UBA2: variants seen among roughly 807,000 people sequenced by gnomAD.
The protein encoded by UBA2 is ubiquitin like modifier activating enzyme 2.
Under a neutral mutation model 77.2 loss-of-function variants are expected in UBA2, and 11 were observed. The ratio of observed to expected loss-of-function variants is 0.14; its 90% confidence interval spans 0.09 to 0.24. The LOEUF is 0.24. UBA2 is among the 10% of genes least tolerant of loss of function. UBA2 has a pLI of 1.00. For missense variants in UBA2, 487 were observed against 781.7 expected, an observed-to-expected ratio of 0.62 and a Z score of 4.50; for synonymous variants, 278 against 276.7, an observed-to-expected ratio of 1.00 and a Z score of -0.05.
At chr19:34,439,656 C>T (rs1236731372) in intron 6 of UBA2, among the ~76,000 whole-genome samples, 2 of 151,814 alleles carry the variant, frequency 1.3e-5, no homozygotes, top group Non-Finnish European at 2.9e-5. Context: ...ATGGCAAAAC[C>T]GTGTCTCTAC....
At chr19:34,439,648 G>A (rs923057498) in intron 6 of UBA2, among the ~76,000 whole-genome samples, 1 of 152,022 alleles carries the variant, frequency 6.6e-6, no homozygotes, top group African/African-American at 2.4e-5. Context: ...TGGGAAACAT[G>A]GCAAAACCGT....
At chr19:34,431,019 G>A (rs1453062921) in intron 2 of UBA2, among the ~76,000 whole-genome samples, 7 of 152,068 alleles carry the variant, frequency 4.6e-5, no homozygotes, top group Admixed American at 1.3e-4. Flanking sequence ...CAGTTCCCCC[G>A]ATCTTTGTTT....
intron 12 of UBA2, among the ~76,000 whole-genome samples, chr19:34,456,100 C>CTTTTCTTTTTTTTTTTTTTTTTTTTTTTT (rs2075557152): frequency 3.6e-5 from 2 of 55,782 alleles, no homozygotes; most frequent in Admixed American, 2.8e-4. Context: ...TTTTCCTTTT[C>CTTTTCTTTTTTTTTTTTTTTTTTTTTTTT]TTTTTCTTTT....
rs189892880 is a variant in UBA2, at chr19:34,437,535, G to A, written c.460-1110G>A. Among the ~76,000 whole-genome samples, 517 of 151,930 alleles carry A rather than the reference G, an allele frequency of 3.4e-3. 3 individuals carry two copies. Among genetic ancestry groups the A allele is most frequent in the Non-Finnish European group, 6.0e-3 (405 of 67,944 alleles). On this transcript the variant is annotated intron_variant, in intron 5 of 16. Coordinates refer to ENST00000246548, the MANE Select transcript of UBA2 (RefSeq NM_005499.3). ...TGAGGCAAAAGAATCACTTGAACCC[G>A]GGAGGCAGAGGTTGTGGTGAGCCTA...
chr19:34,465,800 G>A (rs1388296623), intron 15 of UBA2, among the ~76,000 whole-genome samples: 1 of 152,170 alleles, frequency 6.6e-6, no homozygotes, highest in Non-Finnish European at 1.5e-5. Context: ...GGAAGGACAT[G>A]TACAATAAAG....
At chr19:34,453,755 T>C (rs1471428343) in intron 10 of UBA2, among the ~76,000 whole-genome samples, 4 of 152,118 alleles carry the variant, frequency 2.6e-5, no homozygotes, top group Admixed American at 2.6e-4. Flanking sequence ...CACAAACTCC[T>C]GAGCTCAGGC....
At chr19:34,451,644 T>A (rs1482235401) in intron 9 of UBA2, among the ~76,000 whole-genome samples, 2 of 140,644 alleles carry the variant, frequency 1.4e-5, no homozygotes, top group East Asian at 4.6e-4. Flanking sequence ...GCCTCCCGGG[T>A]TCGCGCCATT....
chr19:34,451,700 A>G (rs1318515545), intron 9 of UBA2, among the ~76,000 whole-genome samples: 3 of 151,704 alleles, frequency 2.0e-5, no homozygotes, highest in Non-Finnish European at 2.9e-5. Flanking sequence ...GGCGCCCGCC[A>G]CCATGCCTGC....
In UBA2 at chr19:34,445,129, T is replaced by G; in HGVS notation, c.771+8T>G. 1 of 1,607,622 alleles carries G rather than the reference T, an allele frequency of 6.2e-7. No homozygotes were observed. The highest frequency in any genetic ancestry group is 8.5e-7 in the Non-Finnish European group (1 of 1,177,404). On this transcript the variant is annotated splice_region_variant and intron_variant, in intron 8 of 16. Transcript: ENST00000246548. ...GTTAAACTTTTTACCAAGGTTAGAT[T>G]TACTTTTTTTATAATCATGGATAGA...
intron 6 of UBA2, among the ~76,000 whole-genome samples, chr19:34,443,067 G>A (rs983748355): frequency 2.0e-5 from 3 of 152,084 alleles, no homozygotes; most frequent in African/African-American, 7.2e-5. Flanking sequence ...CAAATTGTTT[G>A]TTAACACTCT....
chr19:34,456,106 C>CTTT (rs869130576), intron 12 of UBA2, among the ~76,000 whole-genome samples: 4 of 73,626 alleles, frequency 5.4e-5, no homozygotes, highest in Non-Finnish European at 1.3e-4. Context: ...TTTTCTTTTT[C>CTTT]TTTTTTTTTT....
intron 13 of UBA2, among the ~76,000 whole-genome samples, chr19:34,459,512 G>A (rs1487144781): frequency 6.6e-6 from 1 of 152,142 alleles, no homozygotes; most frequent in East Asian, 1.9e-4. Flanking sequence ...TGGTAAGTTA[G>A]TCCCTGAGGA....
At chr19:34,440,441 C>T (rs1490151744) in intron 6 of UBA2, among the ~76,000 whole-genome samples, 1 of 152,032 alleles carries the variant, frequency 6.6e-6, no homozygotes, top group African/African-American at 2.4e-5. Flanking sequence ...TTTCACAAAA[C>T]TTGCAAGGAG....
rs998489718 is a variant in UBA2, at chr19:34,434,751, A to G, written c.359-117A>G. The G allele has an allele frequency of 2.2e-5, 16 of 732,566 alleles. No homozygotes were observed. In the Admixed American group the frequency reaches 3.0e-4, roughly 14 times the overall value. 45.4% of individuals were successfully genotyped at this position (732,566 alleles called of 1,614,324 possible). A position where few individuals can be genotyped will look rare whatever the true frequency, so the allele number is the denominator to read the frequency against. On this transcript the variant is annotated intron_variant, in intron 4 of 16. Transcript: ENST00000246548. ...CAGTTGTATTATTCTGGCCATAGCT[A>G]TAAGAAAATTGTACAAAAAATGAAG...
Position 34,462,918 on chromosome 19 carries a change from A to G in UBA2, c.1499-1108A>G, listed in dbSNP as rs566118660. Among the ~76,000 whole-genome samples the G allele has an allele frequency of 6.6e-5, 10 of 152,242 alleles. No homozygotes were observed. The East Asian group carries it at 1.9e-3, about 29-fold the overall frequency. On this transcript the variant is annotated intron_variant, in intron 14 of 16. Transcript: ENST00000246548. Reference sequence around the variant, plus strand: ...GAGACCAGCTTGGCCAATATGGCAAAACCCTGTCTCTACTAAAAATACAAA... The same window carrying G: ...GAGACCAGCTTGGCCAATATGGCAAGACCCTGTCTCTACTAAAAATACAAA...
intron 6 of UBA2, among the ~76,000 whole-genome samples, chr19:34,440,612 G>A (rs1377154246): frequency 6.6e-6 from 1 of 152,110 alleles, no homozygotes; most frequent in Non-Finnish European, 1.5e-5. Flanking sequence ...AATAATAGAT[G>A]CAAAAATCCT....
At chr19:34,429,814 C>T (rs1023634005) in intron 1 of UBA2, among the ~76,000 whole-genome samples, 6 of 152,004 alleles carry the variant, frequency 3.9e-5, no homozygotes, top group Non-Finnish European at 7.4e-5. Flanking sequence ...CCAGCCTGGG[C>T]AACAGAGGGA....
chr19:34,439,387 G>A (rs943159227), intron 6 of UBA2, among the ~76,000 whole-genome samples: 1 of 152,190 alleles, frequency 6.6e-6, no homozygotes, highest in African/African-American at 2.4e-5. Flanking sequence ...TACTGATAAT[G>A]ATGAAAATGC....
At chr19:34,428,639 G>T (rs1186654470) in intron 1 of UBA2, 69 bp downstream of exon 1, 2 of 1,195,950 alleles carry the variant, frequency 1.7e-6, no homozygotes. Flanking sequence ...GGGTTCCGGG[G>T]CTCCAGGGGC....
Sources: allele counts gnomAD v4.1 joint callset (sites outside exome capture counted in the v4.1 genomes callset), GRCh38; gene constraint gnomAD v4.1.1; transcripts MANE v1.5; gene names NCBI Gene and HGNC (gene_info 2026-07-23, HGNC 2026-07-21).